Variants in CDH13 observed in about 807,000 individuals in gnomAD.
CDH13 encodes the protein cadherin 13.
A neutral mutation model predicts 63.8 loss-of-function variants in CDH13; 24 were observed. That is an observed-to-expected ratio of 0.38 (90% CI 0.27 to 0.53). The LOEUF is 0.53. Ranked by LOEUF, CDH13 falls within the 20% of genes least tolerant of loss-of-function variation. The probability of loss-of-function intolerance (pLI) is 0.85; values close to 1 mark genes in which losing one functional copy is unlikely to be tolerated. For missense variants in CDH13, 1,049 were observed against 903.1 expected, an observed-to-expected ratio of 1.16 and a Z score of -2.07; for synonymous variants, 503 against 355.3, an observed-to-expected ratio of 1.42 and a Z score of -4.67.
chr16:82,809,043 C>T (rs2037305060), intron 1 of CDH13, among the ~76,000 whole-genome samples: 3 of 151,930 alleles, frequency 2.0e-5, no homozygotes, highest in Non-Finnish European at 4.4e-5. Flanking sequence ...CATGCATATA[C>T]ATATGTATGA....
intron 8 of CDH13, 100 bp downstream of exon 8, chr16:83,602,694 A>G (rs1907965993): frequency 8.7e-7 from 1 of 1,152,880 alleles, no homozygotes; most frequent in Non-Finnish European, 1.3e-6. Context: ...CCCCCCTTTC[A>G]AAATCAAAAT....
chr16:83,561,985 C>T (rs1041909337), intron 7 of CDH13, among the ~76,000 whole-genome samples: 8 of 152,084 alleles, frequency 5.3e-5, no homozygotes, highest in East Asian at 1.9e-4. Flanking sequence ...GCGATAGTGC[C>T]GCAGAGTCAA....
rs1282867204 is a variant in CDH13 at position 82,929,343 on chromosome 16, T to C, written c.157+70870T>C. Among the ~76,000 whole-genome samples the C allele has an allele frequency of 3.3e-5, 5 of 152,074 alleles. 1 individual carries two copies. The Middle Eastern group carries it at 0.014, about 414-fold the overall frequency. On this transcript the variant is annotated intron_variant, in intron 2 of 13. Coordinates refer to ENST00000567109, the MANE Select transcript of CDH13 (RefSeq NM_001257.5). ...GACCCCAGTGAACTCGCTCGTCCTT[T>C]TCTACTACATGAGGACACAATGAAA...
In CDH13 at chr16:82,741,983, T is replaced by G. The variant is rs2151054934; in HGVS notation, c.45+114846T>G. 2.0e-5 allele frequency among the ~76,000 whole-genome samples: 3 copies of G among 152,326 alleles called. No homozygotes were observed. In the South Asian group the frequency reaches 6.2e-4, roughly 32 times the overall value. On this transcript the variant is annotated intron_variant, in intron 1 of 13. Transcript: ENST00000567109. ...ATGTGAAAAAATTACATAGGATTGC[T>G]GATTATAGCATCATTTATAGTAGGA...
At chr16:83,131,201 C>CGT (rs2036036347) in intron 4 of CDH13, among the ~76,000 whole-genome samples, 2 of 132,104 alleles carry the variant, frequency 1.5e-5, no homozygotes, top group African/African-American at 5.8e-5. Context: ...CCCCCCCCCC[C>CGT]GCCCACAGAC....
intron 7 of CDH13, among the ~76,000 whole-genome samples, chr16:83,496,676 G>A (rs547744457): frequency 6.0e-4 from 91 of 152,214 alleles, no homozygotes; most frequent in African/African-American, 2.0e-3. Context: ...CTAATTAAAC[G>A]AAAGAGCTTC....
chr16:82,858,865 T>C (rs534689490), intron 2 of CDH13: 1 of 244,772 alleles, frequency 4.1e-6, no homozygotes, highest in Admixed American at 5.2e-5. Flanking sequence ...TAGCATTAGA[T>C]CAAAATAATG....
chr16:83,492,330 C>G (rs368709940), intron 7 of CDH13, among the ~76,000 whole-genome samples: 3 of 152,140 alleles, frequency 2.0e-5, no homozygotes, highest in Non-Finnish European at 2.9e-5. Flanking sequence ...TCATTATCAT[C>G]ATGTTTAAAA....
chr16:83,313,760 G>A (rs1393383540), intron 5 of CDH13, among the ~76,000 whole-genome samples: 1 of 151,398 alleles, frequency 6.6e-6, no homozygotes, highest in East Asian at 1.9e-4. Context: ...CATTATTTTA[G>A]TTAATGTTGT....
chr16:83,755,328 T>C (rs940587911), intron 11 of CDH13, among the ~76,000 whole-genome samples: 1 of 152,068 alleles, frequency 6.6e-6, no homozygotes, highest in Non-Finnish European at 1.5e-5. Flanking sequence ...AAAAGACTAG[T>C]GTGTGGAATT....
chr16:83,686,733 T>C (rs1328871840), intron 10 of CDH13, among the ~76,000 whole-genome samples: 2 of 152,176 alleles, frequency 1.3e-5, no homozygotes, highest in African/African-American at 4.8e-5. Context: ...TTTTAGTACA[T>C]TTGATACAGT....
At chr16:83,446,536 G>A (rs2072693854) in intron 6 of CDH13, among the ~76,000 whole-genome samples, 1 of 152,106 alleles carries the variant, frequency 6.6e-6, no homozygotes, top group Non-Finnish European at 1.5e-5. Context: ...AATTAGCAGG[G>A]TACAGAAGTC....
At chr16:83,746,573 G>C (rs1597167105) in intron 10 of CDH13, among the ~76,000 whole-genome samples, 1 of 152,274 alleles carries the variant, frequency 6.6e-6, no homozygotes, top group South Asian at 2.1e-4. Context: ...CCTTCAGTTG[G>C]AGATTTTCAA....
intron 4 of CDH13, among the ~76,000 whole-genome samples, chr16:83,153,523 C>A (rs878898082): frequency 1.3e-5 from 2 of 152,170 alleles, no homozygotes; most frequent in Admixed American, 1.3e-4. Context: ...GCTGTTATCA[C>A]CTTTGTTTTA....
intron 2 of CDH13, among the ~76,000 whole-genome samples, chr16:82,912,026 C>T (rs185960098): frequency 2.0e-3 from 301 of 152,136 alleles, no homozygotes; most frequent in Non-Finnish European, 3.4e-3. Context: ...GTGCAGCCCT[C>T]AGAGCCCCAG....
chr16:83,791,432 G>A (rs1010946803), intron 13 of CDH13, among the ~76,000 whole-genome samples: 3 of 151,730 alleles, frequency 2.0e-5, no homozygotes, highest in African/African-American at 7.3e-5. Flanking sequence ...GGAGGCAGAG[G>A]GTGCAATAAG....
In CDH13 at chr16:83,473,984, A is replaced by T. The variant is rs555788627; in HGVS notation, c.782-12493A>T. Among the ~76,000 whole-genome samples the T allele has an allele frequency of 3.3e-5, 5 of 151,578 alleles. No individual in the cohort carries two copies. In the East Asian group the frequency reaches 9.7e-4, roughly 30 times the overall value. On this transcript the variant is annotated intron_variant, in intron 6 of 13. Transcript: ENST00000567109. ...CCCTCATAAAGGTTAGCTCCCCATC[A>T]CTCCTGCACCAACTTTTGTATTCAT...
intron 2 of CDH13, among the ~76,000 whole-genome samples, chr16:82,888,067 G>A (rs1330036537): frequency 6.6e-6 from 1 of 152,084 alleles, no homozygotes; most frequent in Non-Finnish European, 1.5e-5. Context: ...GGTGGGTTTT[G>A]TTTGTTTTTG....
At chr16:83,369,746 C>G (rs1037543625) in intron 6 of CDH13, among the ~76,000 whole-genome samples, 1 of 152,094 alleles carries the variant, frequency 6.6e-6, no homozygotes, top group South Asian at 2.1e-4. Context: ...TGATGCCTCT[C>G]CTCTCCATCT....
Sources: gnomAD v4.1 joint callset for allele counts (sites outside exome capture counted in the v4.1 genomes callset) on GRCh38, gnomAD v4.1.1 for gene constraint, MANE v1.5 for transcripts, NCBI Gene and HGNC (gene_info 2026-07-23, HGNC 2026-07-21) for gene names.